DNAAF9: variants seen among roughly 807,000 people sequenced by gnomAD.
DNAAF9 encodes shulin.
In DNAAF9, 90 loss-of-function variants were observed where a neutral mutation model predicts 167.0. That is an observed-to-expected ratio of 0.54 (90% CI 0.45 to 0.64). The LOEUF is 0.64. Ranked by LOEUF, DNAAF9 falls within the 30% of genes least tolerant of loss-of-function variation. The pLI, the probability that DNAAF9 is intolerant of heterozygous loss-of-function variation, is 0.00. For missense variants in DNAAF9, 1,315 were observed against 1,442.2 expected (o/e 0.91, Z 1.43); for synonymous variants, 491 against 508.8 (o/e 0.96, Z 0.47).
intron 31 of DNAAF9, among the ~76,000 whole-genome samples, chr20:3,263,253 C>T (rs1305502218): frequency 1.3e-5 from 2 of 152,032 alleles, no homozygotes; most frequent in Non-Finnish European, 1.5e-5. Context: ...GGATTACAGG[C>T]GTGAGCCACC....
At chr20:3,397,807 C>T (rs1482374980) in intron 1 of DNAAF9, among the ~76,000 whole-genome samples, 1 of 152,044 alleles carries the variant, frequency 6.6e-6, no homozygotes, top group East Asian at 1.9e-4. Flanking sequence ...ACAAAGCCTA[C>T]ATGTGCATGA....
In DNAAF9 at chr20:3,255,259, G is replaced by T. The variant is rs531255357; in HGVS notation, c.3287C>A (p.Thr1096Asn). ...KQKPQRKALK[T>N]RGMLTQQEIR... ...CTCCTGTTGCGTCAGCATCCCCCTG[G>T]TCTTCAGGGCTTTCCTCTGAGGCTT... Residue 1096 changes from threonine (T) to asparagine (N), a missense_variant, in exon 35 of 37, where the codon ACC becomes AAC. Physicochemically the swap from Thr to Asn is moderately conservative, Grantham distance 65. Transcript: ENST00000252032. 2.6e-5 allele frequency: 41 copies of T among 1,550,826 alleles called. No homozygotes were observed. The highest frequency in any genetic ancestry group is 2.2e-4 in the Admixed American group (11 of 50,986).
At chr20:3,357,246 C>T (rs534412470) in intron 7 of DNAAF9, among the ~76,000 whole-genome samples, 4 of 151,888 alleles carry the variant, frequency 2.6e-5, no homozygotes, top group Admixed American at 6.6e-5. Context: ...CCGAGGTGGG[C>T]GGACCACTTA....
intron 3 of DNAAF9, among the ~76,000 whole-genome samples, chr20:3,379,264 A>C (rs1348880863): frequency 6.6e-6 from 1 of 151,956 alleles, no homozygotes; most frequent in Non-Finnish European, 1.5e-5. Context: ...CAGAGTTTAC[A>C]GTCAGGTAAA....
At chr20:3,346,043 A>T (rs1311910081) in intron 8 of DNAAF9, among the ~76,000 whole-genome samples, 1 of 152,210 alleles carries the variant, frequency 6.6e-6, no homozygotes, top group African/African-American at 2.4e-5. Flanking sequence ...AAAATATAAA[A>T]TGGTCATCAA....
At chr20:3,397,602 G>C (rs941332699) in intron 1 of DNAAF9, among the ~76,000 whole-genome samples, 2 of 152,168 alleles carry the variant, frequency 1.3e-5, no homozygotes, top group Non-Finnish European at 2.9e-5. Flanking sequence ...ACAGGCGTGA[G>C]CCACCACGCC....
chr20:3,318,732 A>T (rs1294939985), intron 16 of DNAAF9, among the ~76,000 whole-genome samples: 1 of 152,042 alleles, frequency 6.6e-6, no homozygotes, highest in Admixed American at 6.6e-5. Context: ...AGGTCAAGGA[A>T]CCCAGGAGTT....
chr20:3,283,800 C>T (rs1053328614), intron 27 of DNAAF9, among the ~76,000 whole-genome samples: 4 of 151,920 alleles, frequency 2.6e-5, no homozygotes, highest in African/African-American at 4.8e-5. Context: ...AGTAGAGACT[C>T]ATTTCTTAGG....
At chr20:3,260,846 G>T (rs764029263) in intron 31 of DNAAF9, among the ~76,000 whole-genome samples, 9 of 152,192 alleles carry the variant, frequency 5.9e-5, no homozygotes, top group Non-Finnish European at 1.3e-4. Flanking sequence ...TGGCCAGGCT[G>T]GTCTCAAACT....
chr20:3,286,220 A>C (rs2068851103), intron 27 of DNAAF9, among the ~76,000 whole-genome samples: 1 of 152,154 alleles, frequency 6.6e-6, no homozygotes, highest in African/African-American at 2.4e-5. Context: ...TCCTCCAGGA[A>C]ATTGACTAGA....
At chr20:3,342,005 C>A (rs1302278319) in intron 9 of DNAAF9, among the ~76,000 whole-genome samples, 1 of 152,152 alleles carries the variant, frequency 6.6e-6, no homozygotes, top group African/African-American at 2.4e-5. Flanking sequence ...TCTTGATCTC[C>A]TGACCTCGTG....
At chr20:3,270,645 T>A (rs2068577003) in intron 29 of DNAAF9, 83 bp from the exon 30 acceptor site, 1 of 1,227,556 alleles carries the variant, frequency 8.1e-7, no homozygotes, top group African/African-American at 1.5e-5. Context: ...CCTTGCTCCA[T>A]CCCCTAATCA....
intron 31 of DNAAF9, among the ~76,000 whole-genome samples, chr20:3,260,525 T>C (rs1320272237): frequency 1.3e-5 from 2 of 152,216 alleles, no homozygotes; most frequent in Admixed American, 6.5e-5. Context: ...TAGCAGTTCC[T>C]TGATGTCAAA....
intron 29 of DNAAF9, among the ~76,000 whole-genome samples, chr20:3,272,824 A>G (rs1449606088): frequency 3.9e-5 from 6 of 152,094 alleles, no homozygotes; most frequent in African/African-American, 1.4e-4. Flanking sequence ...TTATTTTTTT[A>G]TTATTATTAT....
intron 31 of DNAAF9, among the ~76,000 whole-genome samples, chr20:3,262,196 T>C (rs185555786): frequency 3.2e-4 from 48 of 151,984 alleles, no homozygotes; most frequent in Non-Finnish European, 8.8e-5. Flanking sequence ...GGTCCCTCCA[T>C]CTCTGATTCT....
In DNAAF9 at chr20:3,264,489, CTG is replaced by C. The variant is rs2068451307; in HGVS notation, c.2820_2821del (p.Asn940LysfsTer6). On this transcript the variant is annotated frameshift_variant, in exon 31 of 37. Transcript: ENST00000252032. LOFTEE classifies it high-confidence loss of function. ...TCGTAGCATCTCAGGACTTGAAAAA[CTG>C]TTTTCTGAGAGAATCAGCTCAATGT... 2.5e-6 allele frequency: 4 copies of C among 1,572,016 alleles called. No individual in the cohort carries two copies. The highest frequency in any genetic ancestry group is 3.5e-6 in the Non-Finnish European group (4 of 1,141,716).
chr20:3,382,574 G>T, intron 1 of DNAAF9, 68 bp from the exon 2 acceptor site: 1 of 1,192,162 alleles, frequency 8.4e-7, no homozygotes, highest in Non-Finnish European at 1.2e-6. Context: ...AGCATCCTGT[G>T]TCCCACAATG....
At chr20:3,324,042 A>G (rs1474791955) in intron 14 of DNAAF9, among the ~76,000 whole-genome samples, 1 of 152,198 alleles carries the variant, frequency 6.6e-6, no homozygotes, top group Non-Finnish European at 1.5e-5. Context: ...TTTCATGGCC[A>G]GGGCAGCAAG....
chr20:3,297,369 G>T (rs985773436), intron 22 of DNAAF9, among the ~76,000 whole-genome samples: 2 of 152,190 alleles, frequency 1.3e-5, no homozygotes, highest in African/African-American at 4.8e-5. Flanking sequence ...AAAAGGTCCA[G>T]CAAAGGTGGA....
Sources: allele counts gnomAD v4.1 joint callset (sites outside exome capture counted in the v4.1 genomes callset), GRCh38; gene constraint gnomAD v4.1.1; transcripts MANE v1.5; gene names NCBI Gene and HGNC (gene_info 2026-07-23, HGNC 2026-07-21).